Variants in LRP1B observed in about 807,000 individuals in gnomAD.
LRP1B encodes the protein low-density lipoprotein receptor-related protein 1B.
LRP1B carries 217 observed loss-of-function variants against 556.6 expected under a neutral mutation model. The observed-to-expected ratio is 0.39, with a 90% confidence interval of 0.35 to 0.44. The LOEUF is 0.44. LRP1B is among the 20% of genes least tolerant of loss of function. LRP1B has a pLI of 1.00. For synonymous variants in LRP1B, 2,047 were observed against 1,865.8 expected, an observed-to-expected ratio of 1.10 and a Z score of -2.50; for missense variants, 5,053 against 5,620.8, an observed-to-expected ratio of 0.90 and a Z score of 3.23.
chr2:141,740,273 T>C (rs1020524601), intron 2 of LRP1B, among the ~76,000 whole-genome samples: 2 of 152,172 alleles, frequency 1.3e-5, no homozygotes, highest in East Asian at 1.9e-4. Flanking sequence ...CAGCTTACAA[T>C]GGCAGGGGGC....
At chr2:141,849,229 C>T (rs917636098) in intron 1 of LRP1B, among the ~76,000 whole-genome samples, 7 of 151,502 alleles carry the variant, frequency 4.6e-5, no homozygotes, top group Non-Finnish European at 3.0e-5. Context: ...TAAGCAGATT[C>T]TCTTGGGTTT....
intron 62 of LRP1B, among the ~76,000 whole-genome samples, chr2:140,454,516 A>G (rs1302019992): frequency 6.6e-6 from 1 of 152,122 alleles, no homozygotes; most frequent in African/African-American, 2.4e-5. Context: ...TTGTTTTCAG[A>G]AGTATAGTTG....
chr2:141,357,881 A>G lies in LRP1B; in HGVS notation c.344-103240T>C, dbSNP rs550481447. On this transcript the variant is annotated intron_variant, in intron 3 of 90. Coordinates refer to ENST00000389484, the MANE Select transcript of LRP1B (RefSeq NM_018557.3). ...AAAATGAATAATTTTCTTTAACAGT[A>G]TACATTATAATTCTGGACTGTTGTG... 1.3e-5 allele frequency among the ~76,000 whole-genome samples: 2 copies of G among 152,350 alleles called. 1 individual carries two copies. The highest frequency in any genetic ancestry group is 4.8e-5 in the African/African-American group (2 of 41,580).
At chr2:141,008,667 C>T (rs147436354) in intron 14 of LRP1B, among the ~76,000 whole-genome samples, 1 of 151,810 alleles carries the variant, frequency 6.6e-6, no homozygotes, top group South Asian at 2.1e-4. Context: ...AAAACTTTGT[C>T]TTTCTTTTTC....
intron 1 of LRP1B, among the ~76,000 whole-genome samples, chr2:141,979,552 C>T (rs957772941): frequency 6.6e-6 from 1 of 152,034 alleles, no homozygotes; most frequent in African/African-American, 2.4e-5. Flanking sequence ...TCAAGAAAAG[C>T]ACCCTTGTTC....
intron 3 of LRP1B, among the ~76,000 whole-genome samples, chr2:141,362,777 A>G (rs1688875796): frequency 6.6e-6 from 1 of 152,092 alleles, no homozygotes; most frequent in Non-Finnish European, 1.5e-5. Flanking sequence ...ACCAGAAGAA[A>G]GAAAGCTTCT....
At chr2:141,638,199 C>A (rs920677963) in intron 2 of LRP1B, among the ~76,000 whole-genome samples, 1 of 151,822 alleles carries the variant, frequency 6.6e-6, no homozygotes, top group Non-Finnish European at 1.5e-5. Flanking sequence ...AGAAAAAAAA[C>A]TAAAAAAGAA....
At chr2:141,134,645 G>A (rs1345151178) in intron 7 of LRP1B, among the ~76,000 whole-genome samples, 2 of 150,582 alleles carry the variant, frequency 1.3e-5, no homozygotes, top group African/African-American at 4.9e-5. Context: ...AAAGTACATA[G>A]TACATTGCCA....
chr2:141,329,654 A>AAAACAAAACAAAAC (rs1553497019), intron 3 of LRP1B, among the ~76,000 whole-genome samples: 14 of 140,184 alleles, frequency 1.0e-4, no homozygotes, highest in African/African-American at 3.9e-4. Flanking sequence ...AAAAAAAAAA[A>AAAACAAAACAAAAC]AAAAAAAAAA....
intron 3 of LRP1B, among the ~76,000 whole-genome samples, chr2:141,312,477 G>A (rs1686849407): frequency 6.6e-6 from 1 of 152,134 alleles, no homozygotes; most frequent in Admixed American, 6.6e-5. Flanking sequence ...ACAATAGGCT[G>A]TTAACAGTTA....
At chr2:141,803,577 T>C (rs1558886243) in intron 2 of LRP1B, among the ~76,000 whole-genome samples, 1 of 152,104 alleles carries the variant, frequency 6.6e-6, no homozygotes, top group Non-Finnish European at 1.5e-5. Flanking sequence ...CATTTCAGCT[T>C]TTCTACCTAA....
At chr2:141,678,707 TAGAAA>T (rs1465205030) in intron 2 of LRP1B, among the ~76,000 whole-genome samples, 18 of 152,204 alleles carry the variant, frequency 1.2e-4, no homozygotes, top group Non-Finnish European at 2.6e-4. Context: ...AACAGAAAAG[TAGAAA>T]AATATCAATA....
intron 67 of LRP1B, among the ~76,000 whole-genome samples, chr2:140,381,447 C>T (rs117256296): frequency 0.023 from 3,498 of 152,144 alleles, 51 homozygotes; most frequent in Non-Finnish European, 0.023. Flanking sequence ...GAACTCTACA[C>T]GGGAACAATT....
chr2:141,468,156 C>T (rs1328405808), intron 3 of LRP1B, among the ~76,000 whole-genome samples: 1 of 152,110 alleles, frequency 6.6e-6, no homozygotes, highest in Non-Finnish European at 1.5e-5. Flanking sequence ...AGAATTTTAT[C>T]CCAAACATAT....
intron 1 of LRP1B, among the ~76,000 whole-genome samples, chr2:141,995,137 G>T (rs1418176619): frequency 1.3e-5 from 2 of 151,874 alleles, no homozygotes; most frequent in East Asian, 3.9e-4. Flanking sequence ...TTTAAAAATT[G>T]CCATAAACTT....
intron 1 of LRP1B, among the ~76,000 whole-genome samples, chr2:141,889,194 A>AT (rs1295990615): frequency 2.6e-5 from 4 of 152,200 alleles, no homozygotes; most frequent in South Asian, 2.1e-4. Context: ...CATTATTAAT[A>AT]TTTTTTAAAA....
At chr2:140,241,235 A>C (rs1680935995) in intron 87 of LRP1B, among the ~76,000 whole-genome samples, 1 of 150,920 alleles carries the variant, frequency 6.6e-6, no homozygotes. Context: ...TTAATGAAAG[A>C]GAATCTGGCA....
At chr2:140,615,372 C>T (rs1219726993) in intron 41 of LRP1B, among the ~76,000 whole-genome samples, 1 of 152,080 alleles carries the variant, frequency 6.6e-6, no homozygotes, top group African/African-American at 2.4e-5. Flanking sequence ...AAACCCTAAC[C>T]TCCTAATTTC....
chr2:140,613,370 AATAT>A lies in LRP1B; in HGVS notation c.6800-11735_6800-11732del, dbSNP rs796568812. Among the ~76,000 whole-genome samples the A allele has an allele frequency of 1.1e-4, 9 of 84,732 alleles. 2 individuals carry two copies. The highest frequency in any genetic ancestry group is 2.7e-4 in the African/African-American group (8 of 29,346). The allele number at this position is 84,732 out of a possible 152,430, so 55.6% of individuals were successfully genotyped here. Reference sequence around the variant, plus strand: ...AAATATAAATAATTATATAAATATAAATATATATAATTATATACATATAAATATA... The same window carrying A: ...AAATATAAATAATTATATAAATATAAATATAATTATATACATATAAATATA... On this transcript the variant is annotated intron_variant, in intron 41 of 90. Transcript: ENST00000389484.
Sources: gnomAD v4.1 joint callset for allele counts (sites outside exome capture counted in the v4.1 genomes callset) on GRCh38, gnomAD v4.1.1 for gene constraint, MANE v1.5 for transcripts, NCBI Gene and HGNC (gene_info 2026-07-23, HGNC 2026-07-21) for gene names.